The following PACS1 variants were observed in gnomAD, a reference collection of about 807,000 sequenced individuals.
The protein encoded by PACS1 is phosphofurin acidic cluster sorting protein 1.
Under a neutral mutation model 115.0 loss-of-function variants are expected in PACS1, and 24 were observed. The ratio of observed to expected loss-of-function variants is 0.21; its 90% CI spans 0.15 to 0.29. The LOEUF is 0.29. PACS1 is among the 10% of genes least tolerant of loss of function. PACS1 has a pLI of 1.00. For synonymous variants in PACS1, 453 were observed against 504.5 expected (o/e 0.90, Z 1.37); for missense variants, 838 against 1,251.2 (o/e 0.67, Z 4.98).
intron 1 of PACS1, among the ~76,000 whole-genome samples, chr11:66,186,754 T>C (rs983322740): frequency 6.6e-6 from 1 of 152,214 alleles, no homozygotes; most frequent in Non-Finnish European, 1.5e-5. Flanking sequence ...ACAGCCTTCA[T>C]TCAGGCATTT....
In PACS1 at chr11:66,216,379, T is replaced by C. The variant is rs1590825917; in HGVS notation, c.805+116T>C. 2.1e-5 allele frequency: 31 copies of C among 1,449,938 alleles called. No individual in the cohort carries two copies. The East Asian group carries it at 6.9e-4, about 32-fold the overall frequency. 89.8% of individuals were successfully genotyped at this position (1,449,938 alleles called of 1,614,324 possible). ...AGAGACCTTTAGAGACCCCTGAAAGTAAAATGTGGCTTCGGCCCTGGCCCT... is the reference window on the plus strand; with the variant it reads ...AGAGACCTTTAGAGACCCCTGAAAGCAAAATGTGGCTTCGGCCCTGGCCCT... On this transcript the variant is annotated intron_variant, in intron 5 of 23. Coordinates refer to ENST00000320580, the MANE Select transcript of PACS1 (RefSeq NM_018026.4).
At chr11:66,121,802 G>C (rs1055347407) in intron 1 of PACS1, among the ~76,000 whole-genome samples, 4 of 152,216 alleles carry the variant, frequency 2.6e-5, no homozygotes, top group African/African-American at 9.6e-5. Context: ...AGAAAAGTTT[G>C]AAGCTAGCAG....
rs958349634 is a variant in PACS1, at chr11:66,079,486, C to T, written c.356+8644C>T. ...TCAGGGTTTAGGGAGCAGCTTTTCC[C>T]TTCTGTTTTTCTGTTTTATGGTACC... On this transcript the variant is annotated intron_variant, in intron 1 of 23. Coordinates refer to ENST00000320580, the MANE Select transcript of PACS1 (RefSeq NM_018026.4). Among the ~76,000 whole-genome samples, 3 of 152,182 alleles carry T rather than the reference C, an allele frequency of 2.0e-5. No individual in the cohort carries two copies. The South Asian group carries it at 6.2e-4, about 32-fold the overall frequency.
chr11:66,153,170 AGTG>A (rs1234683796), intron 1 of PACS1, among the ~76,000 whole-genome samples: 5 of 151,688 alleles, frequency 3.3e-5, no homozygotes, highest in African/African-American at 1.2e-4. Flanking sequence ...CCCAGGCTTG[AGTG>A]TGTTGGCTAT....
At chr11:66,173,091 G>GGTTTT (rs201056842) in intron 1 of PACS1, among the ~76,000 whole-genome samples, 1 of 142,480 alleles carries the variant, frequency 7.0e-6, no homozygotes, top group African/African-American at 2.6e-5. Context: ...TTTGATTTTG[G>GGTTTT]TTTTTTTTTT....
chr11:66,137,921 G>A (rs946883610), intron 1 of PACS1, among the ~76,000 whole-genome samples: 1 of 151,894 alleles, frequency 6.6e-6, no homozygotes, highest in Non-Finnish European at 1.5e-5. Context: ...TAGTAGAGAC[G>A]GGGTTTCACC....
chr11:66,097,551 G>A (rs193169778), intron 1 of PACS1, among the ~76,000 whole-genome samples: 23 of 152,290 alleles, frequency 1.5e-4, no homozygotes, highest in Non-Finnish European at 8.8e-5. Flanking sequence ...CCAGTACCTT[G>A]GTGGCACCTT....
chr11:66,197,614 C>A (rs1232230971), intron 2 of PACS1, among the ~76,000 whole-genome samples: 1 of 152,000 alleles, frequency 6.6e-6, no homozygotes, highest in African/African-American at 2.4e-5. Flanking sequence ...GGCAACACAG[C>A]AAGACCCCAT....
At position 66,232,862 on chromosome 11, in the gene PACS1, G is replaced by C. The variant is rs1855626200; in HGVS notation, c.1732-98G>C. The C allele has an allele frequency of 8.1e-6, 7 of 864,258 alleles. No homozygotes were observed. The South Asian group carries it at 1.0e-4, about 13-fold the overall frequency. The allele number at this position is 864,258 out of a possible 1,614,324, so 53.5% of individuals were successfully genotyped here. A position where few individuals can be genotyped will look rare whatever the true frequency, so the allele number is the denominator to read the frequency against. On this transcript the variant is annotated intron_variant, in intron 14 of 23. Transcript: ENST00000320580. Reference sequence around the variant, plus strand: ...TCGGTCTGAACTGCAGAGGACAGGGGCCCTGCAGCTCGGTCTGGGTCTCAC... The same window carrying C: ...TCGGTCTGAACTGCAGAGGACAGGGCCCCTGCAGCTCGGTCTGGGTCTCAC...
chr11:66,190,931 G>A (rs1471562200), intron 1 of PACS1, among the ~76,000 whole-genome samples: 2 of 152,172 alleles, frequency 1.3e-5, no homozygotes, highest in African/African-American at 4.8e-5. Context: ...GTGACGTGAT[G>A]GGGAAGGGCC....
At chr11:66,232,810 C>G (rs571862622) in intron 14 of PACS1, 150 bp from the exon 15 acceptor site, 3 of 659,654 alleles carry the variant, frequency 4.5e-6, no homozygotes, top group Non-Finnish European at 8.1e-6. Flanking sequence ...ACTGGCAGTC[C>G]GGAGACCTGG....
intron 1 of PACS1, among the ~76,000 whole-genome samples, chr11:66,183,405 A>G (rs1355412124): frequency 6.6e-6 from 1 of 152,154 alleles, no homozygotes; most frequent in African/African-American, 2.4e-5. Context: ...TTTACTCTTT[A>G]TGTGAATAAA....
At chr11:66,241,052 C>A in intron 21 of PACS1, 1 of 157,954 alleles carries the variant, frequency 6.3e-6, no homozygotes, top group Non-Finnish European at 1.4e-5. Context: ...CTCAGTTTGG[C>A]CCAGGCTTTG....
At chr11:66,215,664 C>G (rs367845035) in intron 4 of PACS1, among the ~76,000 whole-genome samples, 2 of 151,668 alleles carry the variant, frequency 1.3e-5, no homozygotes, top group Non-Finnish European at 2.9e-5. Flanking sequence ...CTTGGGAGGC[C>G]GAGGCGGGCA....
At chr11:66,186,788 G>T (rs1189628232) in intron 1 of PACS1, among the ~76,000 whole-genome samples, 1 of 152,234 alleles carries the variant, frequency 6.6e-6, no homozygotes. Context: ...TCAATGTGCA[G>T]ATTGCATACA....
intron 17 of PACS1, among the ~76,000 whole-genome samples, chr11:66,234,702 A>T (rs1855671677): frequency 2.6e-5 from 4 of 152,026 alleles, no homozygotes. Flanking sequence ...ACATAGCAAG[A>T]CCCTGTCTCT....
chr11:66,073,916 CTTTTTTTTTTTTTT>C (rs34145797), intron 1 of PACS1, among the ~76,000 whole-genome samples: 2 of 76,944 alleles, frequency 2.6e-5, no homozygotes, highest in East Asian at 8.7e-4. Context: ...TCACACCTGG[CTTTTTTTTTTTTTT>C]TTTTTTTTTT....
rs762103296 is a variant in PACS1, at chr11:66,211,244, C to T, written c.645C>T (p.Leu215=). Residue 215 remains leucine, a synonymous_variant, in exon 4 of 24, where the codon CTC becomes CTT. Transcript: ENST00000320580. ...ILGYKTLAVG[L]INMAEVMQHP... ...GCTATAAGACCTTGGCCGTGGGACTCATCAACATGGCAGAGGTGAGAGGAA... is the reference window on the plus strand; with the variant it reads ...GCTATAAGACCTTGGCCGTGGGACTTATCAACATGGCAGAGGTGAGAGGAA... 17 of 1,613,526 alleles carry T rather than the reference C, an allele frequency of 1.1e-5. No individual in the cohort carries two copies. Among genetic ancestry groups the T allele is most frequent in the Middle Eastern group, 1.6e-4 (1 of 6,076 alleles).
chr11:66,222,537 A>T (rs962853837), intron 10 of PACS1, among the ~76,000 whole-genome samples: 1 of 152,230 alleles, frequency 6.6e-6, no homozygotes, highest in Non-Finnish European at 1.5e-5. Flanking sequence ...ATGGAAGGCA[A>T]GTGAGTGTTG....
Sources: allele counts gnomAD v4.1 joint callset (sites outside exome capture counted in the v4.1 genomes callset), GRCh38; gene constraint gnomAD v4.1.1; transcripts MANE v1.5; gene names NCBI Gene and HGNC (gene_info 2026-07-23, HGNC 2026-07-21).